PDE1C: variants seen among roughly 807,000 people sequenced by gnomAD.
The protein encoded by PDE1C is phosphodiesterase 1C, also known as dual specificity calcium/calmodulin-dependent 3',5'-cyclic nucleotide phosphodiesterase 1C.
In PDE1C, 62 loss-of-function variants were observed where a neutral mutation model predicts 93.1. The ratio of observed to expected loss-of-function variants is 0.67; its 90% CI spans 0.54 to 0.82. The LOEUF (loss-of-function observed/expected upper bound fraction) is 0.82. PDE1C is among the 40% of genes least tolerant of loss of function. The pLI is 0.00. For synonymous variants in PDE1C, 325 were observed against 310.1 expected, an observed-to-expected ratio of 1.05 and a Z score of -0.50; for missense variants, 742 against 884.6, an observed-to-expected ratio of 0.84 and a Z score of 2.04.
chr7:32,406,960 C>T (rs1046016858), intron 1 of PDE1C, among the ~76,000 whole-genome samples: 1 of 152,118 alleles, frequency 6.6e-6, no homozygotes, highest in Non-Finnish European at 1.5e-5. Context: ...TCAGCCCCAT[C>T]GCACAAGTGA....
chr7:32,044,569 A>T (rs1486116226), intron 2 of PDE1C, among the ~76,000 whole-genome samples: 2 of 152,156 alleles, frequency 1.3e-5, no homozygotes, highest in Non-Finnish European at 2.9e-5. Flanking sequence ...TGAAGAAACC[A>T]GAGTAATGAA....
At chr7:31,908,994 G>A (rs920171978) in intron 2 of PDE1C, among the ~76,000 whole-genome samples, 1 of 152,170 alleles carries the variant, frequency 6.6e-6, no homozygotes, top group Non-Finnish European at 1.5e-5. Context: ...CCTTGCCTGA[G>A]AGTTTCAGGA....
At chr7:31,811,840 C>T (rs909521960) in intron 15 of PDE1C, among the ~76,000 whole-genome samples, 2 of 152,048 alleles carry the variant, frequency 1.3e-5, no homozygotes, top group Admixed American at 6.6e-5. Flanking sequence ...ATTAGAAGAT[C>T]CTGTCACTGC....
At chr7:31,685,107 G>C in the PDE1C span, among the ~76,000 whole-genome samples, 2 of 151,760 alleles carry the variant, frequency 1.3e-5, no homozygotes, top group Admixed American at 1.3e-4. Context: ...TGGATCTCTA[G>C]GGAATAATGC....
intron 16 of PDE1C, among the ~76,000 whole-genome samples, chr7:31,800,549 T>C (rs1785878137): frequency 6.6e-6 from 1 of 151,546 alleles, no homozygotes; most frequent in Admixed American, 6.6e-5. Context: ...TCCATACACA[T>C]GTAGATCTAT....
At chr7:32,308,360 T>C (rs1008845334) in intron 1 of PDE1C, among the ~76,000 whole-genome samples, 8 of 152,262 alleles carry the variant, frequency 5.3e-5, no homozygotes, top group African/African-American at 1.9e-4. Context: ...TAAATGTCCC[T>C]GTCTGACAGC....
intron 2 of PDE1C, among the ~76,000 whole-genome samples, chr7:32,045,970 G>T (rs1308672759): frequency 6.6e-6 from 1 of 152,130 alleles, no homozygotes; most frequent in Non-Finnish European, 1.5e-5. Context: ...GGAATCATTT[G>T]CTGGATTTAA....
intron 2 of PDE1C, among the ~76,000 whole-genome samples, chr7:31,885,557 C>A (rs562406012): frequency 1.3e-5 from 2 of 152,174 alleles, no homozygotes; most frequent in South Asian, 2.1e-4. Flanking sequence ...AGATCCAGAG[C>A]GAGCCCTGGA....
At chr7:32,105,717 T>G (rs1238455067) in intron 3 of PDE1C, among the ~76,000 whole-genome samples, 3 of 131,352 alleles carry the variant, frequency 2.3e-5, no homozygotes, top group African/African-American at 8.1e-5. Flanking sequence ...TTTTTTTTTT[T>G]GTATTTGCGT....
At chr7:31,791,896 C>T (rs1317814899) in intron 16 of PDE1C, among the ~76,000 whole-genome samples, 1 of 152,036 alleles carries the variant, frequency 6.6e-6, no homozygotes, top group Non-Finnish European at 1.5e-5. Context: ...CGAGATATTC[C>T]TCCATTTCTA....
At chr7:31,625,425 T>C in the PDE1C span, among the ~76,000 whole-genome samples, 4 of 152,032 alleles carry the variant, frequency 2.6e-5, no homozygotes, top group East Asian at 7.7e-4. Flanking sequence ...ATATACACCA[T>C]GGAATACTAT....
intron 2 of PDE1C, among the ~76,000 whole-genome samples, chr7:32,023,440 C>A (rs141298055): frequency 3.2e-4 from 48 of 152,098 alleles, no homozygotes; most frequent in African/African-American, 1.1e-3. Flanking sequence ...ACATACATCA[C>A]GAGAACTTAA....
intron 2 of PDE1C, among the ~76,000 whole-genome samples, chr7:31,970,895 C>A (rs140353550): frequency 0.011 from 1,620 of 152,160 alleles, 9 homozygotes; most frequent in Non-Finnish European, 0.016. Flanking sequence ...GTAATCCCAG[C>A]ACTTTGGGAA....
At chr7:31,960,395 T>C (rs1317942225) in intron 2 of PDE1C, among the ~76,000 whole-genome samples, 1 of 152,078 alleles carries the variant, frequency 6.6e-6, no homozygotes, top group Admixed American at 6.6e-5. Flanking sequence ...AAACCAAAGT[T>C]GAGGGATATT....
At chr7:31,891,711 G>C (rs1469389371) in intron 2 of PDE1C, among the ~76,000 whole-genome samples, 3 of 151,902 alleles carry the variant, frequency 2.0e-5, no homozygotes, top group Admixed American at 6.6e-5. Context: ...GGCAACAAAG[G>C]GAACCTACTG....
At chr7:32,358,402 C>G (rs1018713884) in intron 1 of PDE1C, among the ~76,000 whole-genome samples, 1 of 152,194 alleles carries the variant, frequency 6.6e-6, no homozygotes, top group Non-Finnish European at 1.5e-5. Flanking sequence ...AACAGCAGCC[C>G]CTCTCAAGCT....
chr7:31,774,679 C>T (rs1260630306), intron 17 of PDE1C, among the ~76,000 whole-genome samples: 1 of 152,104 alleles, frequency 6.6e-6, no homozygotes, highest in Non-Finnish European at 1.5e-5. Flanking sequence ...TAGTCAATTA[C>T]TGAAATATTT....
At chr7:32,251,357 A>T (rs1219368864) in intron 1 of PDE1C, among the ~76,000 whole-genome samples, 1 of 152,232 alleles carries the variant, frequency 6.6e-6, no homozygotes, top group African/African-American at 2.4e-5. Context: ...TAAGTGGCCT[A>T]GAGCTGCAAC....
At chr7:32,277,306 T>C (rs1295987466) in intron 1 of PDE1C, among the ~76,000 whole-genome samples, 1 of 152,148 alleles carries the variant, frequency 6.6e-6, no homozygotes, top group African/African-American at 2.4e-5. Context: ...ATAAGCAACA[T>C]ATGACACTAC....
Sources: allele counts gnomAD v4.1 joint callset (sites outside exome capture counted in the v4.1 genomes callset), GRCh38; gene constraint gnomAD v4.1.1; transcripts MANE v1.5; gene names NCBI Gene and HGNC (gene_info 2026-07-23, HGNC 2026-07-21).